Variants in FAM193A observed in about 807,000 individuals in gnomAD.
FAM193A encodes protein FAM193A.
In FAM193A, 22 loss-of-function variants were observed where a neutral mutation model predicts 126.5. The observed-to-expected ratio is 0.17, with a 90% CI of 0.12 to 0.25. The LOEUF is 0.25. Ranked by LOEUF, FAM193A falls within the 10% of genes least tolerant of loss-of-function variation. FAM193A has a pLI of 1.00. For synonymous variants in FAM193A, 761 were observed against 646.8 expected (o/e 1.18, Z -2.68); for missense variants, 1,675 against 1,672.8 (o/e 1.00, Z -0.02).
rs2108794638 is a variant in FAM193A, at chr4:2,537,040, G to A, written c.125G>A (p.Arg42His). The change falls in exon 1 of 21, where the codon CGC becomes CAC. Residue 42 changes from arginine to histidine, a missense_variant. By Grantham distance (29) the Arg-to-His change is conservative. Coordinates refer to ENST00000637812, the MANE Select transcript of FAM193A (RefSeq NM_001366318.2). The part of the protein sequence containing the change: ...SGKAGPAAAL[R>H]GSQAAGLAAP... Reference sequence around the variant, plus strand: ...AAGGCCGGCCCGGCGGCGGCGCTGCGCGGTTCCCAGGCCGCGGGCCTGGCG... The same window carrying A: ...AAGGCCGGCCCGGCGGCGGCGCTGCACGGTTCCCAGGCCGCGGGCCTGGCG... 1 of 147,180 alleles carries A rather than the reference G, an allele frequency of 6.8e-6. No homozygotes were observed. The allele number at this position is 147,180 out of a possible 1,614,324, so 9.1% of individuals were successfully genotyped here. A position where few individuals can be genotyped will look rare whatever the true frequency, so the allele number is the denominator to read the frequency against.
chr4:2,598,485 G>T (rs1286842294), intron 2 of FAM193A, among the ~76,000 whole-genome samples: 2 of 152,192 alleles, frequency 1.3e-5, no homozygotes, highest in African/African-American at 4.8e-5. Context: ...TTATGTTAAT[G>T]ATTTTTGCAT....
chr4:2,589,479 G>GTA (rs1457444192), intron 1 of FAM193A, among the ~76,000 whole-genome samples: 64 of 152,328 alleles, frequency 4.2e-4, no homozygotes, highest in African/African-American at 1.5e-3. Context: ...AAAGGATGCT[G>GTA]TAATAATGTA....
intron 1 of FAM193A, among the ~76,000 whole-genome samples, chr4:2,584,526 C>T (rs766359888): frequency 9.2e-5 from 14 of 151,814 alleles, no homozygotes; most frequent in Non-Finnish European, 2.1e-4. Context: ...TTAATTTGAC[C>T]CCTGGTATAA....
chr4:2,637,354 T>C (rs1744186454), intron 5 of FAM193A, among the ~76,000 whole-genome samples: 1 of 152,158 alleles, frequency 6.6e-6, no homozygotes, highest in Non-Finnish European at 1.5e-5. Flanking sequence ...CTCAATATTT[T>C]TTTAAAAGAA....
At chr4:2,717,511 G>T (rs927369703) in intron 20 of FAM193A, among the ~76,000 whole-genome samples, 1 of 150,542 alleles carries the variant, frequency 6.6e-6, no homozygotes, top group Non-Finnish European at 1.5e-5. Context: ...CAGGAGAATT[G>T]CTTGAACCTG....
chr4:2,549,931 A>G (rs532293267), intron 1 of FAM193A, among the ~76,000 whole-genome samples: 15 of 134,392 alleles, frequency 1.1e-4, no homozygotes, highest in African/African-American at 4.2e-4. Context: ...ATTTCACCAT[A>G]TTGGCCAGGC....
At position 2,657,821 on chromosome 4, in the gene FAM193A, C is replaced by A; in HGVS notation, c.1330C>A (p.Gln444Lys). 6.2e-7 allele frequency: 1 copy of A among 1,610,068 alleles called. No individual in the cohort carries two copies. The highest frequency in any genetic ancestry group is 8.5e-7 in the Non-Finnish European group (1 of 1,178,572). Residue 444 changes from glutamine (Q) to lysine (K), a missense_variant, in exon 8 of 21, where the codon CAG becomes AAG. Transcript: ENST00000637812. ...TTACTAGATGACAATGAAAACCAAG[C>A]AGCGCATGTTAACAGAAGACTGGGA... ...VDEQMTMKTK[Q>K]RMLTEDWELF...
At chr4:2,660,910 AG>A (rs1328736659) in intron 10 of FAM193A, among the ~76,000 whole-genome samples, 2 of 152,256 alleles carry the variant, frequency 1.3e-5, no homozygotes, top group African/African-American at 4.8e-5. Flanking sequence ...CAAAGATTGC[AG>A]GCTGCTGTTT....
chr4:2,572,666 G>T (rs542128269), intron 1 of FAM193A, among the ~76,000 whole-genome samples: 8 of 152,124 alleles, frequency 5.3e-5, no homozygotes, highest in Non-Finnish European at 1.2e-4. Context: ...AGAAGAAGGG[G>T]CCTAGAGGAA....
chr4:2,708,902 C>T (rs549267203), intron 19 of FAM193A, among the ~76,000 whole-genome samples: 3 of 152,028 alleles, frequency 2.0e-5, no homozygotes, highest in Admixed American at 6.5e-5. Context: ...TCAATTCTTA[C>T]GCCTCTAATT....
intron 1 of FAM193A, among the ~76,000 whole-genome samples, chr4:2,581,077 T>A (rs1429612579): frequency 6.6e-6 from 1 of 151,136 alleles, no homozygotes; most frequent in Non-Finnish European, 1.5e-5. Flanking sequence ...TGCAGTGAGC[T>A]GAGATTGCGC....
Position 2,548,611 on chromosome 4 carries a change from C to T in FAM193A, c.255+11441C>T, listed in dbSNP as rs188681733. ...AGCTGGAGTTATAGGGATGTGCCAC[C>T]GCGCCTGGCTAATTTTTGTATTTTT... On this transcript the variant is annotated intron_variant, in intron 1 of 20. Transcript: ENST00000637812. Among the ~76,000 whole-genome samples the T allele has an allele frequency of 6.8e-4, 103 of 151,836 alleles. 1 individual carries two copies. The highest frequency in any genetic ancestry group is 2.3e-3 in the African/African-American group (96 of 41,388).
chr4:2,587,771 A>G (rs1740315716), intron 1 of FAM193A, among the ~76,000 whole-genome samples: 1 of 152,186 alleles, frequency 6.6e-6, no homozygotes, highest in African/African-American at 2.4e-5. Flanking sequence ...AATTCACTGA[A>G]AAGGAAGGAA....
rs1431006948 is a variant in FAM193A, at chr4:2,693,763, C to T, written c.2981C>T (p.Pro994Leu). Reference sequence around the variant, plus strand: ...GCAAATCTTGCAGCCCCATCATTCCCCAAAACAGCAACCACAACTCCTGGG... The same window carrying T: ...GCAAATCTTGCAGCCCCATCATTCCTCAAAACAGCAACCACAACTCCTGGG... Reference protein sequence around the residue: ...HLANLAAPSFPKTATTTPGFV... With the variant: ...HLANLAAPSFLKTATTTPGFV... The change falls in exon 16 of 21, where the codon CCC (proline) becomes CTC (leucine). Residue 994 changes from proline (P) to leucine (L), a missense_variant. By Grantham distance (98) the Pro-to-Leu change is moderately conservative (BLOSUM62 -3). Around this residue, in one of 4 missense-constraint regions of FAM193A, gnomAD observed 1,186 missense variants for 1,109.2 expected, o/e 1.07. Transcript: ENST00000637812. The T allele has an allele frequency of 1.9e-6, 3 of 1,614,094 alleles. No individual in the cohort carries two copies. The highest frequency in any genetic ancestry group is 2.5e-6 in the Non-Finnish European group (3 of 1,180,048).
At chr4:2,580,860 G>A (rs980295457) in intron 1 of FAM193A, among the ~76,000 whole-genome samples, 8 of 152,106 alleles carry the variant, frequency 5.3e-5, no homozygotes, top group Admixed American at 1.3e-4. Context: ...TGATTTGGCC[G>A]GGCTCACGCC....
chr4:2,622,260 A>AAG (rs1742595255), intron 2 of FAM193A, among the ~76,000 whole-genome samples: 2 of 140,454 alleles, frequency 1.4e-5, no homozygotes, highest in African/African-American at 5.9e-5. Flanking sequence ...CTGTCTCCAA[A>AAG]AAAAAAAAAA....
intron 2 of FAM193A, among the ~76,000 whole-genome samples, chr4:2,598,465 T>G (rs1383465332): frequency 6.6e-6 from 1 of 152,242 alleles, no homozygotes; most frequent in East Asian, 1.9e-4. Context: ...GCTGGATTGA[T>G]TTGCTAAAGT....
rs149778748 is a variant in FAM193A at position 2,672,002 on chromosome 4, C to A, written c.2080-119C>A. On this transcript the variant is annotated intron_variant, in intron 12 of 20. Transcript: ENST00000637812. ...GAAGGCCCTGGTCAACTCAGGGTGT[C>A]AGGAAAAGCCCACTTACCTTTGTAT... 1.1e-3 allele frequency: 1,166 copies of A among 1,078,842 alleles called. 4 individuals carry two copies. The highest frequency in any genetic ancestry group is 7.8e-3 in the African/African-American group (502 of 64,020). The allele number at this position is 1,078,842 out of a possible 1,614,324, so 66.8% of individuals were successfully genotyped here. A position where few individuals can be genotyped will look rare whatever the true frequency, so the allele number is the denominator to read the frequency against.
chr4:2,627,842 A>G (rs1481963390), intron 4 of FAM193A, among the ~76,000 whole-genome samples: 1 of 151,052 alleles, frequency 6.6e-6, no homozygotes, highest in Non-Finnish European at 1.5e-5. Context: ...TCCTGGGTTC[A>G]CGCCGTTCTC....
Sources: gnomAD v4.1 joint callset for allele counts (sites outside exome capture counted in the v4.1 genomes callset) on GRCh38, gnomAD v4.1.1 for gene constraint, gnomAD v4.1.1 regional missense constraint, MANE v1.5 for transcripts, NCBI Gene and HGNC (gene_info 2026-07-23, HGNC 2026-07-21) for gene names.